Variants in FGFRL1 observed in about 807,000 individuals in gnomAD.
The protein encoded by FGFRL1 is fibroblast growth factor receptor-like 1.
FGFRL1 carries 24 observed loss-of-function variants against 36.8 expected under a neutral mutation model. The ratio of observed to expected loss-of-function variants is 0.65; its 90% confidence interval spans 0.47 to 0.92. The LOEUF (loss-of-function observed/expected upper bound fraction) is 0.92. FGFRL1 is among the 40% of genes least tolerant of loss of function. FGFRL1 has a pLI of 0.00. For synonymous variants in FGFRL1, 422 were observed against 344.1 expected (o/e 1.23, Z -2.50); for missense variants, 785 against 753.4 (o/e 1.04, Z -0.49).
chr4:1,018,005 G>T (rs1715982929), intron 2 of FGFRL1, among the ~76,000 whole-genome samples: 1 of 152,240 alleles, frequency 6.6e-6, no homozygotes, highest in Non-Finnish European at 1.5e-5. Flanking sequence ...GCCAGGACGG[G>T]CCCTTCCAGA....
Position 1,022,309 on chromosome 4 carries a change from G to A in FGFRL1, c.186G>A (p.Met62Ile), listed in dbSNP as rs1224062005. The A allele has an allele frequency of 6.3e-7, 1 of 1,598,800 alleles. No individual in the cohort carries two copies. The highest frequency in any genetic ancestry group is 1.1e-5 in the South Asian group (1 of 89,378). Reference protein sequence around the residue: ...PVEGDPPPLTMWTKDGRTIHS... With the variant: ...PVEGDPPPLTIWTKDGRTIHS... Reference sequence around the variant, plus strand: ...AGGGGGACCCGCCGCCGCTGACCATGTGGACCAAGGATGGCCGCACCATCC... The same window carrying A: ...AGGGGGACCCGCCGCCGCTGACCATATGGACCAAGGATGGCCGCACCATCC... Residue 62 changes from methionine (M) to isoleucine (I), a missense_variant, in exon 3 of 7, where the codon ATG (methionine) becomes ATA (isoleucine). Transcript: ENST00000510644.
At chr4:1,012,654 T>G in intron 2 of FGFRL1, 90 bp downstream of exon 2, 1 of 501,992 alleles carries the variant, frequency 2.0e-6, no homozygotes. Flanking sequence ...AGTGCCCGCC[T>G]GGCACGCGCC....
rs1002275417 is a variant in FGFRL1 at position 1,024,311 on chromosome 4, A to G, written c.719A>G (p.Gln240Arg). 1.9e-6 allele frequency: 3 copies of G among 1,594,674 alleles called. No homozygotes were observed. In the African/African-American group the frequency reaches 4.0e-5, roughly 21 times the overall value. Residue 240 changes from glutamine to arginine, a missense_variant and splice_region_variant, in exon 6 of 7, where the codon CAG (glutamine) becomes CGG (arginine). Coordinates refer to ENST00000510644, the MANE Select transcript of FGFRL1 (RefSeq NM_001004356.3). Reference protein sequence around the residue: ...INATYKVDVIQRTRSKPVLTG... With the variant: ...INATYKVDVIRRTRSKPVLTG... ...ATGCCCGCGTGCCACGTTCCCACAG[A>G]GCGGACCCGTTCCAAGCCCGTGCTC...
At chr4:1,022,689 C>G (rs557313517) in intron 3 of FGFRL1, among the ~76,000 whole-genome samples, 1 of 152,286 alleles carries the variant, frequency 6.6e-6, no homozygotes, top group South Asian at 2.1e-4. Flanking sequence ...GCTCCAGCCT[C>G]GGAGCCTTCC....
At chr4:1,013,594 G>A (rs534134524) in intron 2 of FGFRL1, among the ~76,000 whole-genome samples, 6 of 152,380 alleles carry the variant, frequency 3.9e-5, no homozygotes, top group South Asian at 2.1e-4. Flanking sequence ...GCCCGGCAGC[G>A]TCCTGGGCTG....
chr4:1,023,806 C>A lies in FGFRL1; in HGVS notation c.434-11C>A. On this transcript the variant is annotated splice_polypyrimidine_tract_variant and intron_variant, in intron 4 of 6. Transcript: ENST00000510644. The surrounding 1 kb of genome is among the most constrained non-coding windows in gnomAD (Gnocchi z 6.0). ...CCCGTCCTCTGACCTCCACGCCACC[C>A]CACCCCGCAGCACGACCGCGCTTCA... 1 of 1,572,534 alleles carries A rather than the reference C, an allele frequency of 6.4e-7. No homozygotes were observed. The highest frequency in any genetic ancestry group is 2.3e-5 in the East Asian group (1 of 43,180).
Position 1,022,198 on chromosome 4 carries a change from C to T in FGFRL1, c.80-5C>T, listed in dbSNP as rs746199549. Reference sequence around the variant, plus strand: ...TCGCTGACTGTTCCTCGGTCCCACCCGCAGGCCCCCCAAAGATGGCGGACA... The same window carrying T: ...TCGCTGACTGTTCCTCGGTCCCACCTGCAGGCCCCCCAAAGATGGCGGACA... On this transcript the variant is annotated splice_region_variant and splice_polypyrimidine_tract_variant and intron_variant, in intron 2 of 6. Coordinates refer to ENST00000510644, the MANE Select transcript of FGFRL1 (RefSeq NM_001004356.3). The T allele has an allele frequency of 8.6e-5, 130 of 1,519,060 alleles. No individual in the cohort carries two copies. Among genetic ancestry groups the T allele is most frequent in the Non-Finnish European group, 1.1e-4 (124 of 1,131,828 alleles). The allele number at this position is 1,519,060 out of a possible 1,614,324, so 94.1% of individuals were successfully genotyped here.
chr4:1,011,097 C>T (rs1029852122), upstream of FGFRL1: 2 of 152,190 alleles, frequency 1.3e-5, no homozygotes, highest in Non-Finnish European at 1.5e-5. Context: ...CTCCCGAAGA[C>T]CCCCCGGGGC....
At chr4:1,017,211 C>T (rs1241390942) in intron 2 of FGFRL1, among the ~76,000 whole-genome samples, 1 of 152,212 alleles carries the variant, frequency 6.6e-6, no homozygotes, top group African/African-American at 2.4e-5. Context: ...CAGAGAATTC[C>T]TCCAGCTGGA....
At chr4:1,014,598 C>T (rs56396408) in intron 2 of FGFRL1, among the ~76,000 whole-genome samples, 18,768 of 151,300 alleles carry the variant, frequency 0.12, 1,266 homozygotes, top group Middle Eastern at 0.22. Flanking sequence ...GGGTCAGTGT[C>T]GGCTCCCTGT....
In FGFRL1 at chr4:1,025,560, G is replaced by A. The variant is rs908748568; in HGVS notation, c.*213G>A. 1.6e-5 allele frequency: 10 copies of A among 644,718 alleles called. No individual in the cohort carries two copies. The highest frequency in any genetic ancestry group is 3.1e-5 in the Admixed American group (1 of 31,766). The allele number at this position is 644,718 out of a possible 1,614,324, so 39.9% of individuals were successfully genotyped here. ...TGTATGCACACACATGCGCGCACAC[G>A]TGCTCCCTGAAGGCACACGTACGCA... On this transcript the variant is annotated 3_prime_UTR_variant, in exon 7 of 7. Transcript: ENST00000510644.
In FGFRL1 at chr4:1,024,780, G is replaced by A. The variant is rs1037672849; in HGVS notation, c.1072+116G>A. ...TTCCCTCCCGGGCCGTGCTGGCCAG[G>A]TCATCTGCCGAGGGAGGGCAGCCCA... On this transcript the variant is annotated intron_variant, in intron 6 of 6. Transcript: ENST00000510644. The A allele has an allele frequency of 3.6e-6, 5 of 1,400,842 alleles. No homozygotes were observed. In the African/African-American group the frequency reaches 4.3e-5, roughly 12 times the overall value. 86.8% of individuals were successfully genotyped at this position (1,400,842 alleles called of 1,614,324 possible). A position where few individuals can be genotyped will look rare whatever the true frequency, so the allele number is the denominator to read the frequency against.
At chr4:1,014,419 G>A (rs1465231347) in intron 2 of FGFRL1, among the ~76,000 whole-genome samples, 1 of 152,204 alleles carries the variant, frequency 6.6e-6, no homozygotes, top group East Asian at 1.9e-4. Flanking sequence ...TCTGAGAAGT[G>A]CCACCTTTGA....
intron 2 of FGFRL1, among the ~76,000 whole-genome samples, chr4:1,017,308 G>C (rs1715941317): frequency 6.6e-6 from 1 of 152,168 alleles, no homozygotes; most frequent in Non-Finnish European, 1.5e-5. Context: ...TCTTGGTCCA[G>C]CTCCTCCATG....
Position 1,024,995 on chromosome 4 carries a change from T to C in FGFRL1, c.1163T>C (p.Val388Ala). 1 of 1,610,778 alleles carries C rather than the reference T, an allele frequency of 6.2e-7. No homozygotes were observed. The highest frequency in any genetic ancestry group is 1.1e-5 in the South Asian group (1 of 91,046). ...GTCATCGGCATCCCAGCCGGCGCTG[T>C]CTTCATCCTGGGCACCCTGCTCCTG... ...PVVIGIPAGA[V>A]FILGTLLLWL... is the part of the protein sequence containing the mutation. The change falls in exon 7 of 7, where the codon GTC (valine) becomes GCC (alanine). Residue 388 changes from valine to alanine, a missense_variant. Transcript: ENST00000510644.
rs762562937 is a variant in FGFRL1, at chr4:1,022,468, C to A, written c.345C>A (p.Val115=). ...FGSLSVNYTL[V]VLDDISPGKE... Reference sequence around the variant, plus strand: ...GCCTGAGCGTCAACTACACCCTCGTCGTGCTGGGTTAGTCGCTGCTGCGGT... The same window carrying A: ...GCCTGAGCGTCAACTACACCCTCGTAGTGCTGGGTTAGTCGCTGCTGCGGT... The change falls in exon 3 of 7, where the codon GTC becomes GTA. Residue 115 remains valine (V), a synonymous_variant. Coordinates refer to ENST00000510644, the MANE Select transcript of FGFRL1 (RefSeq NM_001004356.3). 1 of 1,600,110 alleles carries A rather than the reference C, an allele frequency of 6.2e-7. No homozygotes were observed. Among genetic ancestry groups the A allele is most frequent in the East Asian group, 2.2e-5 (1 of 44,700 alleles).
rs1049792892 is a variant in FGFRL1 at position 1,026,148 on chromosome 4, T to A, written c.*801T>A. On this transcript the variant is annotated 3_prime_UTR_variant, in exon 7 of 7. Transcript: ENST00000510644. ...TCAACACTCACACACGTGCAGATAT[T>A]GCCTGGACACACACATGTGCACAGA... 2.6e-5 allele frequency: 4 copies of A among 155,010 alleles called. No individual in the cohort carries two copies. Among genetic ancestry groups the A allele is most frequent in the African/African-American group, 4.9e-5 (2 of 40,610 alleles). The allele number at this position is 155,010 out of a possible 1,614,324, so 9.6% of individuals were successfully genotyped here. A position where few individuals can be genotyped will look rare whatever the true frequency, so the allele number is the denominator to read the frequency against.
At chr4:1,015,125 C>T (rs1476442641) in intron 2 of FGFRL1, among the ~76,000 whole-genome samples, 7 of 152,210 alleles carry the variant, frequency 4.6e-5, no homozygotes, top group Non-Finnish European at 7.4e-5. Context: ...GGGCTGTGCC[C>T]GCAGACTGGA....
intron 2 of FGFRL1, among the ~76,000 whole-genome samples, chr4:1,013,674 T>C (rs1715733001): frequency 6.6e-6 from 1 of 152,368 alleles, no homozygotes; most frequent in African/African-American, 2.4e-5. Context: ...TTCTCTTTGA[T>C]CTGTTTGGCC....
Sources: gnomAD v4.1 joint callset for allele counts (sites outside exome capture counted in the v4.1 genomes callset) on GRCh38, gnomAD v4.1.1 for gene constraint, Gnocchi (gnomAD v3.1) non-coding constraint, MANE v1.5 for transcripts, NCBI Gene and HGNC (gene_info 2026-07-23, HGNC 2026-07-21) for gene names.